Variants in SVEP1 observed in about 807,000 individuals in gnomAD.
SVEP1 encodes sushi, von Willebrand factor type A, EGF and pentraxin domain-containing protein 1.
Under a neutral mutation model 367.3 loss-of-function variants are expected in SVEP1, and 164 were observed. That is an observed-to-expected ratio of 0.45 (90% CI 0.39 to 0.51). SVEP1 has a LOEUF of 0.51. Among genes scored for constraint, SVEP1 ranks in the 20% least tolerant of loss-of-function variants. SVEP1 has a pLI of 0.00. For missense variants in SVEP1, 4,117 were observed against 4,425.3 expected, an observed-to-expected ratio of 0.93 and a Z score of 1.98; for synonymous variants, 1,666 against 1,611.6, an observed-to-expected ratio of 1.03 and a Z score of -0.81.
rs1399348324 is a variant in SVEP1, at chr9:110,472,675, TC to T, written c.2600-353del. ...TGCAAAATTCTAGTCAATTTCTATT[TC>T]TTTGCAAGGCTTTCTCCAATCCTTT... On this transcript the variant is annotated intron_variant, in intron 14 of 47. Transcript: ENST00000374469. Among the ~76,000 whole-genome samples the T allele has an allele frequency of 3.9e-5, 6 of 152,372 alleles. No individual in the cohort carries two copies. In the East Asian group the frequency reaches 1.2e-3, roughly 29 times the overall value.
At chr9:110,417,190 T>G (rs1472623590) in intron 36 of SVEP1, among the ~76,000 whole-genome samples, 1 of 149,828 alleles carries the variant, frequency 6.7e-6, no homozygotes, top group Non-Finnish European at 1.5e-5. Flanking sequence ...ATTTCTGCAT[T>G]TCCATCTGAG....
chr9:110,497,013 T>C, intron 7 of SVEP1, 80 bp from the exon 8 acceptor site: 3 of 903,364 alleles, frequency 3.3e-6, no homozygotes, highest in Non-Finnish European at 5.0e-6. Flanking sequence ...ACAAATCTAG[T>C]TATATTAATA....
chr9:110,562,338 ATTTT>A (rs1327174594), intron 1 of SVEP1, among the ~76,000 whole-genome samples: 6 of 152,170 alleles, frequency 3.9e-5, no homozygotes, highest in Admixed American at 3.3e-4. Context: ...ATCAAATTTA[ATTTT>A]ATTATCAATA....
At chr9:110,376,457 T>G (rs567970258) in intron 45 of SVEP1, among the ~76,000 whole-genome samples, 2 of 152,340 alleles carry the variant, frequency 1.3e-5, no homozygotes, top group African/African-American at 4.8e-5. Flanking sequence ...TGAGAATACT[T>G]GTTTTGGTGA....
At chr9:110,534,197 G>A (rs1463506136) in intron 3 of SVEP1, among the ~76,000 whole-genome samples, 2 of 152,004 alleles carry the variant, frequency 1.3e-5, no homozygotes, top group Non-Finnish European at 2.9e-5. Context: ...CCCTCAAGTA[G>A]GCCCCAGTTT....
chr9:110,563,732 C>T (rs1830456773), intron 1 of SVEP1, among the ~76,000 whole-genome samples: 1 of 152,092 alleles, frequency 6.6e-6, no homozygotes, highest in Non-Finnish European at 1.5e-5. Context: ...CCAGTAGAAG[C>T]CATGGTGGCT....
At chr9:110,507,133 G>A (rs982316767) in intron 5 of SVEP1, among the ~76,000 whole-genome samples, 6 of 152,250 alleles carry the variant, frequency 3.9e-5, no homozygotes, top group East Asian at 1.9e-4. Flanking sequence ...ATTGGACATC[G>A]TACAAAAGAC....
intron 7 of SVEP1, among the ~76,000 whole-genome samples, chr9:110,497,931 C>G (rs558037902): frequency 1.9e-4 from 29 of 151,998 alleles, no homozygotes; most frequent in African/African-American, 7.0e-4. Flanking sequence ...TTGGACAACT[C>G]TCTCCCACAG....
intron 6 of SVEP1, among the ~76,000 whole-genome samples, chr9:110,502,635 T>C (rs1829551488): frequency 6.6e-6 from 1 of 152,196 alleles, no homozygotes; most frequent in South Asian, 2.1e-4. Context: ...TGTTTAATAA[T>C]AAAGCAATTT....
Position 110,427,747 on chromosome 9 carries a change from G to C in SVEP1, c.5819C>G (p.Pro1940Arg), listed in dbSNP as rs201347418. 404 of 1,612,328 alleles carry C rather than the reference G, an allele frequency of 2.5e-4. 1 individual carries two copies. Among genetic ancestry groups the C allele is most frequent in the South Asian group, 1.5e-3 (136 of 90,710 alleles). The change falls in exon 36 of 48, where the codon CCT becomes CGT. Residue 1940 changes from proline to arginine, a missense_variant. By Grantham distance (103) the Pro-to-Arg change is moderately radical (BLOSUM62 -2). This residue lies in a region of SVEP1 where 2,174 missense variants were observed against 2,494.3 expected (regional missense o/e 0.87). Transcript: ENST00000374469. The stretch of plus-strand genomic sequence containing the variant: ...AGAAGCCGTGCATTCAATAATGGAA[G>C]GGCCCTGTAAGCTGCGGGAAAGAAT... The part of the protein sequence containing the change: ...SCDTGYSLQG[P>R]SIIECTASGI...
intron 19 of SVEP1, 135 bp downstream of exon 19, chr9:110,458,817 C>A: frequency 9.0e-7 from 1 of 1,117,140 alleles, no homozygotes; most frequent in Non-Finnish European, 1.3e-6. Flanking sequence ...TCAAAAATAC[C>A]TCAGAAGGAC....
At chr9:110,509,268 G>A (rs1020444031) in intron 5 of SVEP1, among the ~76,000 whole-genome samples, 1 of 152,208 alleles carries the variant, frequency 6.6e-6, no homozygotes, top group African/African-American at 2.4e-5. Context: ...GTGAAATATG[G>A]CATGTGTTTC....
chr9:110,562,024 G>A (rs1316235698), intron 1 of SVEP1, among the ~76,000 whole-genome samples: 1 of 152,060 alleles, frequency 6.6e-6, no homozygotes, highest in South Asian at 2.1e-4. Context: ...ACATATTTTA[G>A]TTATTAAACA....
At chr9:110,451,124 A>G (rs1488626762) in intron 23 of SVEP1, among the ~76,000 whole-genome samples, 165 bp downstream of exon 23, 2 of 151,772 alleles carry the variant, frequency 1.3e-5, no homozygotes, top group East Asian at 3.8e-4. Context: ...TTTACCCCAA[A>G]CCCCTCAGTG....
chr9:110,443,683 T>A lies in SVEP1; in HGVS notation c.4501A>T (p.Asn1501Tyr), dbSNP rs745332302. 2 of 1,610,418 alleles carry A rather than the reference T, an allele frequency of 1.2e-6. No homozygotes were observed. The highest frequency in any genetic ancestry group is 1.1e-5 in the South Asian group (1 of 90,180). The change falls in exon 27 of 48, where the codon AAC becomes TAC. Residue 1501 changes from asparagine (N) to tyrosine (Y), a missense_variant. Transcript: ENST00000374469. ...LYVNGREKIT[N>Y]CPSVNDGRWH... is the part of the protein sequence containing the mutation. ...CTGCCATCATTCACCGAGGGACAGT[T>A]TGTTATCTTTTCCCTGCCATTCACA... is the stretch of plus-strand genomic sequence containing the variant.
intron 40 of SVEP1, among the ~76,000 whole-genome samples, chr9:110,395,344 T>C (rs1380435043): frequency 6.6e-6 from 1 of 152,114 alleles, no homozygotes; most frequent in South Asian, 2.1e-4. Context: ...AAAGAGCTCC[T>C]GAAGGAAGCA....
rs56077443 is a variant in SVEP1, at chr9:110,572,789, C to CAAAAAAAAAAAAAAA, written c.531+6209_531+6223dup. 5.4e-4 allele frequency among the ~76,000 whole-genome samples: 41 copies of CAAAAAAAAAAAAAAA among 76,524 alleles called. 2 individuals are homozygous for CAAAAAAAAAAAAAAA. Among genetic ancestry groups the CAAAAAAAAAAAAAAA allele is most frequent in the Non-Finnish European group, 6.4e-4 (26 of 40,368 alleles). The allele number at this position is 76,524 out of a possible 152,430, so 50.2% of individuals were successfully genotyped here. A position where few individuals can be genotyped will look rare whatever the true frequency, so the allele number is the denominator to read the frequency against. The stretch of plus-strand genomic sequence containing the variant: ...AGAGGGTGACCCTCTCTCTCTCTCA[C>CAAAAAAAAAAAAAAA]AAAAAAAAAAAAAAAAAAAAAAAAA... On this transcript the variant is annotated intron_variant, in intron 1 of 47. Coordinates refer to ENST00000374469, the MANE Select transcript of SVEP1 (RefSeq NM_153366.4).
rs959057929 is a variant in SVEP1 at position 110,412,602 on chromosome 9, C to G, written c.5976-867G>C. 5.9e-5 allele frequency among the ~76,000 whole-genome samples: 9 copies of G among 152,086 alleles called. No individual in the cohort carries two copies. The East Asian group carries it at 1.7e-3, about 29-fold the overall frequency. ...CAAAAGAAACTACCATCAGAGTGAA[C>G]AGGCAACCTACAAAATGGGAGAAAA... On this transcript the variant is annotated intron_variant, in intron 36 of 47. Transcript: ENST00000374469.
intron 24 of SVEP1, among the ~76,000 whole-genome samples, chr9:110,448,148 T>C (rs781361399): frequency 1.4e-3 from 95 of 69,500 alleles, no homozygotes; most frequent in South Asian, 4.0e-3. Flanking sequence ...TGTGTGTGTG[T>C]GCGCGTGTGT....
Sources: gnomAD v4.1 joint callset for allele counts (sites outside exome capture counted in the v4.1 genomes callset) on GRCh38, gnomAD v4.1.1 for gene constraint, gnomAD v4.1.1 regional missense constraint, MANE v1.5 for transcripts, NCBI Gene and HGNC (gene_info 2026-07-23, HGNC 2026-07-21) for gene names.